Variants in MPHOSPH9 observed in about 807,000 individuals in gnomAD.
MPHOSPH9 encodes M-phase phosphoprotein 9.
In MPHOSPH9, 88 loss-of-function variants were observed where a neutral mutation model predicts 145.5. That is an observed-to-expected ratio of 0.60 (90% confidence interval 0.51 to 0.72). The LOEUF is 0.72. MPHOSPH9 is among the 30% of genes least tolerant of loss of function. MPHOSPH9 has a pLI of 0.00. For missense variants in MPHOSPH9, 1,238 were observed against 1,386.6 expected, an observed-to-expected ratio of 0.89 and a Z score of 1.70; for synonymous variants, 435 against 486.2, an observed-to-expected ratio of 0.89 and a Z score of 1.39.
At chr12:123,222,801 TGGCA>T (rs1362547125) in intron 4 of MPHOSPH9, among the ~76,000 whole-genome samples, 1 of 152,160 alleles carries the variant, frequency 6.6e-6, no homozygotes, top group African/African-American at 2.4e-5. Flanking sequence ...CTGGGCGTGT[TGGCA>T]GGTGCCTGTA....
intron 13 of MPHOSPH9, among the ~76,000 whole-genome samples, chr12:123,185,526 T>TTGAG (rs1159702714): frequency 5.9e-5 from 9 of 152,050 alleles, no homozygotes; most frequent in Non-Finnish European, 1.0e-4. Context: ...GGAGTATCGC[T>TTGAG]TGAGCTCAGG....
chr12:123,174,696 C>T (rs187794158), intron 16 of MPHOSPH9, among the ~76,000 whole-genome samples: 1 of 152,120 alleles, frequency 6.6e-6, no homozygotes, highest in East Asian at 1.9e-4. Flanking sequence ...ATCATACCAT[C>T]CTAAAACCTT....
intron 3 of MPHOSPH9, among the ~76,000 whole-genome samples, chr12:123,225,600 C>T (rs546252034): frequency 2.0e-5 from 3 of 151,302 alleles, no homozygotes; most frequent in Non-Finnish European, 4.4e-5. Context: ...CTGATTCTGA[C>T]TTAAGATGCT....
At chr12:123,182,787 G>A (rs2045246885) in intron 13 of MPHOSPH9, among the ~76,000 whole-genome samples, 2 of 150,794 alleles carry the variant, frequency 1.3e-5, no homozygotes, top group African/African-American at 4.9e-5. Context: ...GGTGGCGCGT[G>A]CCTGTAATCC....
chr12:123,168,031 C>T (rs148328759), intron 16 of MPHOSPH9, among the ~76,000 whole-genome samples: 41 of 152,310 alleles, frequency 2.7e-4, no homozygotes, highest in African/African-American at 9.4e-4. Flanking sequence ...CCCTATTCTG[C>T]CTCCCGCCCT....
At chr12:123,179,505 G>A (rs946587400) in intron 15 of MPHOSPH9, among the ~76,000 whole-genome samples, 2 of 152,018 alleles carry the variant, frequency 1.3e-5, no homozygotes, top group African/African-American at 4.8e-5. Flanking sequence ...AACCCAAGAG[G>A]AGGAGGTTGC....
intron 14 of MPHOSPH9, among the ~76,000 whole-genome samples, chr12:123,180,567 C>T (rs2045084751): frequency 6.6e-6 from 1 of 152,124 alleles, no homozygotes; most frequent in Non-Finnish European, 1.5e-5. Flanking sequence ...AAAATCAAAG[C>T]TTGATATTTA....
Position 123,202,296 on chromosome 12 carries a change from T to C in MPHOSPH9, c.1805A>G (p.Lys602Arg), listed in dbSNP as rs1201345027. Residue 602 changes from lysine to arginine, a missense_variant, in exon 11 of 24, where the codon AAG (lysine) becomes AGG (arginine). Lys to Arg is a conservative substitution (Grantham distance 26). Around this residue, in one of 3 missense-constraint regions of MPHOSPH9, gnomAD observed 837 missense variants for 897.5 expected, o/e 0.93. Coordinates refer to ENST00000606320, the MANE Select transcript of MPHOSPH9 (RefSeq NM_022782.4). ...LSKIRQNLKE[K>R]HARHIADLRA... ...AAGATCTGCTATGTGTCGAGCATGC[T>C]TTTCCTTCAGATTCTGCCTAATCCT... 2 of 1,606,690 alleles carry C rather than the reference T, an allele frequency of 1.2e-6. No homozygotes were observed. Among genetic ancestry groups the C allele is most frequent in the Admixed American group, 3.4e-5 (2 of 58,068 alleles).
chr12:123,169,755 T>C (rs558137177), intron 16 of MPHOSPH9, among the ~76,000 whole-genome samples: 1 of 151,378 alleles, frequency 6.6e-6, no homozygotes, highest in East Asian at 2.0e-4. Flanking sequence ...GGCCCACCAC[T>C]GTGCCCAGCT....
At chr12:123,206,615 A>AT (rs948601834) in intron 8 of MPHOSPH9, among the ~76,000 whole-genome samples, 2 of 151,878 alleles carry the variant, frequency 1.3e-5, no homozygotes, top group African/African-American at 4.8e-5. Context: ...TAAAGTATGC[A>AT]TAAGAGTTAT....
chr12:123,165,614 A>C, intron 17 of MPHOSPH9, 137 bp from the exon 18 acceptor site: 1 of 772,990 alleles, frequency 1.3e-6, no homozygotes, highest in Non-Finnish European at 2.0e-6. Flanking sequence ...TTTACGAGGT[A>C]ATTAGGGTTG....
At chr12:123,238,543 G>A (rs2047885804) in intron 1 of MPHOSPH9, among the ~76,000 whole-genome samples, 1 of 152,148 alleles carries the variant, frequency 6.6e-6, no homozygotes, top group African/African-American at 2.4e-5. Context: ...GACCGAGGCA[G>A]GCAGATTGCT....
intron 16 of MPHOSPH9, among the ~76,000 whole-genome samples, chr12:123,174,539 A>ATT (rs1292866929): frequency 6.6e-6 from 1 of 151,654 alleles, no homozygotes; most frequent in African/African-American, 2.4e-5. Context: ...CACCCGGCTA[A>ATT]TTTTTTGTAT....
Position 123,212,417 on chromosome 12 carries a change from C to T in MPHOSPH9, c.1088-2255G>A, listed in dbSNP as rs188639169. 1.2e-3 allele frequency among the ~76,000 whole-genome samples: 188 copies of T among 152,182 alleles called. 2 individuals are homozygous for T. Among genetic ancestry groups the T allele is most frequent in the Admixed American group, 0.011 (167 of 15,272 alleles). Reference sequence around the variant, plus strand: ...GAAACGGACAGAGCACAGCCAGGCGCAATGACTCACGCCTGTAATCCCAGC... The same window carrying T: ...GAAACGGACAGAGCACAGCCAGGCGTAATGACTCACGCCTGTAATCCCAGC... On this transcript the variant is annotated intron_variant, in intron 7 of 23. Coordinates refer to ENST00000606320, the MANE Select transcript of MPHOSPH9 (RefSeq NM_022782.4).
chr12:123,157,936 C>A (rs2043940228), intron 23 of MPHOSPH9, among the ~76,000 whole-genome samples: 1 of 151,444 alleles, frequency 6.6e-6, no homozygotes, highest in Admixed American at 6.6e-5. Flanking sequence ...AAAACTGTTC[C>A]TCTTTCCTGT....
chr12:123,233,087 C>T lies in MPHOSPH9; in HGVS notation c.-171G>A, dbSNP rs1334943230. On this transcript the variant is annotated 5_prime_UTR_variant, in exon 1 of 24. Transcript: ENST00000606320. Reference sequence around the variant, plus strand: ...GGTGGCCGCTTACCTGGCCGCCGCTCCCGCTGCCGATGTCAGGGTCATGCA... The same window carrying T: ...GGTGGCCGCTTACCTGGCCGCCGCTTCCGCTGCCGATGTCAGGGTCATGCA... 1 of 152,302 alleles carries T rather than the reference C, an allele frequency of 6.6e-6. No homozygotes were observed. Among genetic ancestry groups the T allele is most frequent in the Non-Finnish European group, 1.5e-5 (1 of 68,106 alleles). The allele number at this position is 152,302 out of a possible 1,614,324, so 9.4% of individuals were successfully genotyped here. A position where few individuals can be genotyped will look rare whatever the true frequency, so the allele number is the denominator to read the frequency against.
chr12:123,153,555 T>C (rs1232310094), downstream of MPHOSPH9, among the ~76,000 whole-genome samples: 1 of 151,876 alleles, frequency 6.6e-6, no homozygotes, highest in African/African-American at 2.4e-5. Context: ...TCATTTGGGG[T>C]CAGAAGTTCA....
At chr12:123,163,215 C>A in intron 19 of MPHOSPH9, 81 bp from the exon 20 acceptor site, 1 of 1,384,826 alleles carries the variant, frequency 7.2e-7, no homozygotes, top group Non-Finnish European at 9.7e-7. Context: ...TATTTTTTTT[C>A]TAATTTTGAA....
chr12:123,222,972 GTGTGTGTGTA>G, intron 4 of MPHOSPH9, 56 bp downstream of exon 4: 1 of 769,784 alleles, frequency 1.3e-6, no homozygotes, highest in Non-Finnish European at 2.0e-6. Context: ...ATGTGTGTGT[GTGTGTGTGTA>G]TATGTACGTA....
Sources: allele counts gnomAD v4.1 joint callset (sites outside exome capture counted in the v4.1 genomes callset), GRCh38; gene constraint gnomAD v4.1.1; regional missense constraint gnomAD v4.1.1; transcripts MANE v1.5; gene names NCBI Gene and HGNC (gene_info 2026-07-23, HGNC 2026-07-21).